DYNLL1: variants seen among roughly 807,000 people sequenced by gnomAD.
The protein encoded by DYNLL1 is dynein light chain 1, cytoplasmic.
A neutral mutation model predicts 10.1 loss-of-function variants in DYNLL1; 3 were observed. That is an observed-to-expected ratio of 0.30 (90% CI 0.14 to 0.77). The LOEUF is 0.77. Ranked by LOEUF, DYNLL1 falls within the 30% of genes least tolerant of loss-of-function variation. The probability of loss-of-function intolerance (pLI) is 0.66; values close to 1 mark genes in which losing one functional copy is unlikely to be tolerated. For synonymous variants in DYNLL1, 46 were observed against 41.2 expected, an observed-to-expected ratio of 1.12 and a Z score of -0.45; for missense variants, 47 against 111.7, an observed-to-expected ratio of 0.42 and a Z score of 2.61.
Position 120,490,106 on chromosome 12 carries a change from T to A in DYNLL1, c.-6-6310T>A, listed in dbSNP as rs190392218. ...AGAGATAAATATTTTTGCTTGTTTTTATCTTTATTCTCCTGCTATAAGTTC... is the reference window on the plus strand; with the variant it reads ...AGAGATAAATATTTTTGCTTGTTTTAATCTTTATTCTCCTGCTATAAGTTC... On this transcript the variant is annotated intron_variant, in intron 1 of 2. Coordinates refer to the DYNLL1 transcript ENST00000392509. Among the ~76,000 whole-genome samples the A allele has an allele frequency of 1.4e-4, 21 of 152,354 alleles. No homozygotes were observed. In the East Asian group the frequency reaches 3.5e-3, roughly 25 times the overall value.
chr12:120,495,919 A>G (rs1868369393), upstream of DYNLL1: 12 of 167,516 alleles, frequency 7.2e-5, no homozygotes, highest in South Asian at 1.7e-3. Context: ...CGGGCAACCG[A>G]CGCCGTGAGC....
Position 120,498,338 on chromosome 12 carries a change from T to C in DYNLL1, c.*128T>C. 8.2e-7 allele frequency: 1 copy of C among 1,216,110 alleles called. No homozygotes were observed. The highest frequency in any genetic ancestry group is 1.6e-5 in the South Asian group (1 of 63,330). The allele number at this position is 1,216,110 out of a possible 1,614,324, so 75.3% of individuals were successfully genotyped here. A position where few individuals can be genotyped will look rare whatever the true frequency, so the allele number is the denominator to read the frequency against. On this transcript the variant is annotated 3_prime_UTR_variant, in exon 3 of 3. Coordinates refer to ENST00000242577, the MANE Select transcript of DYNLL1 (RefSeq NM_003746.3). ...CATCTCGATGTTTGAACCTTTGTTGTGTTTTGTACAGGGCATTCTCTGTAC... is the reference window on the plus strand; with the variant it reads ...CATCTCGATGTTTGAACCTTTGTTGCGTTTTGTACAGGGCATTCTCTGTAC...
intron 1 of DYNLL1, among the ~76,000 whole-genome samples, chr12:120,477,310 T>G (rs1178072092): frequency 1.3e-5 from 2 of 152,134 alleles, no homozygotes; most frequent in Admixed American, 1.3e-4. Context: ...ATCTGGGACT[T>G]TGGTGGTGGC....
chr12:120,492,671 C>T (rs373335124), upstream of DYNLL1, among the ~76,000 whole-genome samples: 1 of 152,160 alleles, frequency 6.6e-6, no homozygotes, highest in Non-Finnish European at 1.5e-5. The surrounding 1 kb of genome is among the most constrained non-coding windows in gnomAD (Gnocchi z 4.1). Context: ...TTCCAAAGCC[C>T]GTGCTCTCAG....
chr12:120,484,975 A>G (rs1878960017), intron 1 of DYNLL1, among the ~76,000 whole-genome samples: 1 of 152,126 alleles, frequency 6.6e-6, no homozygotes, highest in Non-Finnish European at 1.5e-5. Context: ...TCTGACCGCA[A>G]GTGATCCAAC....
intron 2 of DYNLL1, chr12:120,497,060 G>GA (rs1444401975): frequency 3.0e-5 from 6 of 201,742 alleles, no homozygotes; most frequent in African/African-American, 1.2e-4. Flanking sequence ...TGGAAGGGAA[G>GA]AAAGCTGGCA....
At chr12:120,474,613 C>T (rs2137056885) in intron 1 of DYNLL1, among the ~76,000 whole-genome samples, 1 of 152,282 alleles carries the variant, frequency 6.6e-6, no homozygotes, top group South Asian at 2.1e-4. Context: ...CCAACAACGC[C>T]AGGCATAAAA....
chr12:120,484,554 T>C (rs568923323), intron 1 of DYNLL1, among the ~76,000 whole-genome samples: 120 of 152,330 alleles, frequency 7.9e-4, no homozygotes, highest in Non-Finnish European at 1.5e-3. Context: ...CTTTTTCAGA[T>C]TCTAAATTTC....
At position 120,497,798 on chromosome 12, in the gene DYNLL1, G is replaced by A. The variant is rs1868503334; in HGVS notation, c.133-275G>A. ...AATGAATATTATAGAAGGTATGAAG[G>A]TGTAATTACCATAATAACAAAACAC... is the stretch of plus-strand genomic sequence containing the variant. On this transcript the variant is annotated intron_variant, in intron 2 of 2. Transcript: ENST00000242577. 12 of 406,516 alleles carry A rather than the reference G, an allele frequency of 3.0e-5. No homozygotes were observed. In the South Asian group the frequency reaches 3.7e-4, roughly 13 times the overall value. 25.2% of individuals were successfully genotyped at this position (406,516 alleles called of 1,614,324 possible). A position where few individuals can be genotyped will look rare whatever the true frequency, so the allele number is the denominator to read the frequency against.
chr12:120,487,272 C>CTTTTTT lies in DYNLL1; in HGVS notation c.-6-9111_-6-9106dup, dbSNP rs71076619. Among the ~76,000 whole-genome samples the CTTTTTT allele has an allele frequency of 1.4e-4, 7 of 50,416 alleles. 2 individuals carry two copies. Among genetic ancestry groups the CTTTTTT allele is most frequent in the East Asian group, 5.9e-4 (1 of 1,688 alleles). 33.1% of individuals were successfully genotyped at this position (50,416 alleles called of 152,430 possible). On this transcript the variant is annotated intron_variant, in intron 1 of 2. Transcript: ENST00000392509. ...ACAGGCGTAAGCCACCGTGCCCGGC[C>CTTTTTT]TTTTTTTTTTTTTTTTTTTTTTTTT...
At chr12:120,496,727 C>G in intron 2 of DYNLL1, 174 bp downstream of exon 2, 2 of 959,416 alleles carry the variant, frequency 2.1e-6, no homozygotes, top group Non-Finnish European at 3.0e-6. Context: ...AAGACCAGAC[C>G]CCCGGCGTCC....
intron 1 of DYNLL1, among the ~76,000 whole-genome samples, chr12:120,473,105 T>C (rs1878684228): frequency 6.6e-6 from 1 of 152,194 alleles, no homozygotes; most frequent in Non-Finnish European, 1.5e-5. Context: ...TATTCGGTCA[T>C]GTAGAGTACA....
intron 1 of DYNLL1, among the ~76,000 whole-genome samples, chr12:120,485,742 G>A (rs540222808): frequency 1.1e-4 from 16 of 151,560 alleles, no homozygotes; most frequent in Non-Finnish European, 1.3e-4. Context: ...TTGGGAGGGA[G>A]GGGCAGTCGG....
At chr12:120,490,717 G>A (rs1398972812) in intron 1 of DYNLL1, 3 of 152,220 alleles carry the variant, frequency 2.0e-5, no homozygotes, top group Non-Finnish European at 4.4e-5. Flanking sequence ...GGGGTGTGGT[G>A]TGATTGGCAT....
rs183029526 is a variant in DYNLL1 at position 120,470,929 on chromosome 12, C to T, written c.-7+825C>T. ...GCGTGGTGGCGTGTTCCTATAATCCCAGTTACGCGGGAGGCTGAGGCAGGA... is the reference window on the plus strand; with the variant it reads ...GCGTGGTGGCGTGTTCCTATAATCCTAGTTACGCGGGAGGCTGAGGCAGGA... On this transcript the variant is annotated intron_variant, in intron 1 of 2. Transcript: ENST00000392509. 2.7e-3 allele frequency among the ~76,000 whole-genome samples: 415 copies of T among 152,154 alleles called. 3 individuals are homozygous for T. Among genetic ancestry groups the T allele is most frequent in the Non-Finnish European group, 2.9e-3 (199 of 67,984 alleles).
intron 1 of DYNLL1, among the ~76,000 whole-genome samples, chr12:120,487,604 C>T (rs1879026935): frequency 6.6e-6 from 1 of 152,100 alleles, no homozygotes; most frequent in South Asian, 2.1e-4. Context: ...GGAAGAAAGA[C>T]AGCACTTGAC....
At chr12:120,481,367 C>T (rs557161970) in intron 1 of DYNLL1, among the ~76,000 whole-genome samples, 3 of 152,254 alleles carry the variant, frequency 2.0e-5, no homozygotes, top group South Asian at 4.1e-4. Context: ...CACAAGACCG[C>T]CCCCACTTTA....
At chr12:120,474,750 G>A (rs1878719043) in intron 1 of DYNLL1, among the ~76,000 whole-genome samples, 1 of 152,120 alleles carries the variant, frequency 6.6e-6, no homozygotes, top group South Asian at 2.1e-4. Flanking sequence ...CTTGGCCCTA[G>A]GTATCAGTGG....
chr12:120,496,190 T>C lies in DYNLL1; in HGVS notation c.-33T>C. On this transcript the variant is annotated 5_prime_UTR_variant, in exon 1 of 3. Coordinates refer to ENST00000242577, the MANE Select transcript of DYNLL1 (RefSeq NM_003746.3). ...GCTAGCACCTCCCCCAGGAGACCGT[T>C]GCAGTCGGCCAGCCCCCTTCTCCAC... is the stretch of plus-strand genomic sequence containing the variant. 2 of 633,348 alleles carry C rather than the reference T, an allele frequency of 3.2e-6. No homozygotes were observed. Among genetic ancestry groups the C allele is most frequent in the South Asian group, 3.9e-5 (2 of 51,462 alleles). The allele number at this position is 633,348 out of a possible 1,614,324, so 39.2% of individuals were successfully genotyped here.
Sources: allele counts gnomAD v4.1 joint callset (sites outside exome capture counted in the v4.1 genomes callset), GRCh38; gene constraint gnomAD v4.1.1; non-coding constraint Gnocchi (gnomAD v3.1); transcripts MANE v1.5; gene names NCBI Gene and HGNC (gene_info 2026-07-23, HGNC 2026-07-21).